Variants in CEP85L observed in about 807,000 individuals in gnomAD.
CEP85L encodes centrosomal protein 85L.
CEP85L carries 60 observed loss-of-function variants against 100.3 expected under a neutral mutation model. The ratio of observed to expected loss-of-function variants is 0.60; its 90% CI spans 0.49 to 0.74. The LOEUF (loss-of-function observed/expected upper bound fraction) is 0.74. Ranked by LOEUF, CEP85L falls within the 30% of genes least tolerant of loss-of-function variation. CEP85L has a pLI of 0.00. For missense variants in CEP85L, 973 were observed against 936.2 expected (o/e 1.04, Z -0.51); for synonymous variants, 319 against 322.7 (o/e 0.99, Z 0.12).
intron 5 of CEP85L, among the ~76,000 whole-genome samples, chr6:118,494,083 G>A (rs929566477): frequency 2.0e-5 from 3 of 152,318 alleles, no homozygotes; most frequent in Admixed American, 6.5e-5. Context: ...TGGAAAAAAA[G>A]GATAGGTAGA....
chr6:118,475,194 A>C (rs1018664377), intron 10 of CEP85L, among the ~76,000 whole-genome samples: 1 of 152,018 alleles, frequency 6.6e-6, no homozygotes, highest in Non-Finnish European at 1.5e-5. Context: ...GGGGAAGTGG[A>C]TGGGGGCTTA....
chr6:118,546,318 T>C (rs1466048004), intron 3 of CEP85L, among the ~76,000 whole-genome samples: 2 of 152,190 alleles, frequency 1.3e-5, no homozygotes, highest in African/African-American at 2.4e-5. Flanking sequence ...TATATGCCTA[T>C]GTATACTTTT....
chr6:118,560,975 T>C (rs865832956), intron 3 of CEP85L, among the ~76,000 whole-genome samples: 13 of 152,214 alleles, frequency 8.5e-5, no homozygotes, highest in African/African-American at 3.1e-4. Context: ...CCATATCTTC[T>C]AAAACATGGT....
intron 6 of CEP85L, among the ~76,000 whole-genome samples, chr6:118,484,617 C>T (rs899231249): frequency 6.6e-6 from 1 of 152,070 alleles, no homozygotes; most frequent in African/African-American, 2.4e-5. Context: ...TTATTGGGTG[C>T]CCAGACAGGC....
chr6:118,568,920 T>C (rs908934281), intron 2 of CEP85L, among the ~76,000 whole-genome samples: 1 of 152,048 alleles, frequency 6.6e-6, no homozygotes, highest in Non-Finnish European at 1.5e-5. Flanking sequence ...TATACTAAAA[T>C]CATCATAGCC....
intron 3 of CEP85L, among the ~76,000 whole-genome samples, chr6:118,553,022 A>G (rs1778642022): frequency 6.6e-6 from 1 of 152,100 alleles, no homozygotes; most frequent in Admixed American, 6.6e-5. Flanking sequence ...TTCTTTTAAT[A>G]AAAGGGTGGA....
intron 4 of CEP85L, among the ~76,000 whole-genome samples, chr6:118,520,387 T>C (rs181760270): frequency 6.6e-6 from 1 of 152,280 alleles, no homozygotes; most frequent in Non-Finnish European, 1.5e-5. Context: ...TTTCTATATA[T>C]TTAAGAACGT....
At chr6:118,587,366 G>A (rs1777653) in intron 2 of CEP85L, among the ~76,000 whole-genome samples, 2,972 of 152,238 alleles carry the variant, frequency 0.02, 89 homozygotes, top group African/African-American at 0.067. Context: ...AATAGCAAAT[G>A]CCTCCCTCTG....
chr6:118,484,435 G>A (rs1205596289), intron 6 of CEP85L, among the ~76,000 whole-genome samples: 3 of 152,186 alleles, frequency 2.0e-5, no homozygotes, highest in Non-Finnish European at 4.4e-5. Context: ...TCATCAACCA[G>A]GGGGCAGTAA....
Position 118,461,138 on chromosome 6 carries a change from G to A in CEP85L, c.*4267C>T, listed in dbSNP as rs1268694329. The stretch of plus-strand genomic sequence containing the variant: ...CCAGCTTACAAAACCACCAGTCATA[G>A]TGACTGATTATACACTGTGCTGTGC... On this transcript the variant is annotated 3_prime_UTR_variant, in exon 13 of 13. Transcript: ENST00000368491. 6.6e-6 allele frequency: 1 copy of A among 151,888 alleles called. No individual in the cohort carries two copies. The highest frequency in any genetic ancestry group is 2.4e-5 in the African/African-American group (1 of 41,320). 9.4% of individuals were successfully genotyped at this position (151,888 alleles called of 1,614,324 possible). A position where few individuals can be genotyped will look rare whatever the true frequency, so the allele number is the denominator to read the frequency against.
At chr6:118,684,263 T>C (rs970794393) in intron 1 of CEP85L, among the ~76,000 whole-genome samples, 3 of 152,200 alleles carry the variant, frequency 2.0e-5, no homozygotes, top group African/African-American at 7.2e-5. Context: ...ATCTTAGTTT[T>C]CATTATTGTG....
rs199588688 is a variant in CEP85L, at chr6:118,470,596, T to A, written c.1963A>T (p.Met655Leu). The change falls in exon 11 of 13, where the codon ATG becomes TTG. Residue 655 changes from methionine to leucine, a missense_variant. Around this residue, in one of 3 missense-constraint regions of CEP85L, gnomAD observed 890 missense variants for 844.5 expected, o/e 1.05. Transcript: ENST00000368491. The stretch of plus-strand genomic sequence containing the variant: ...CTTTCTTTCTTTTCCAGCTCTTCCA[T>A]CATCTTTTGAGTGGTCAGTTTCTCT... ...SKEKLTTQKM[M>L]EELEKKERNV... 243 of 1,608,264 alleles carry A rather than the reference T, an allele frequency of 1.5e-4. No individual in the cohort carries two copies. Among genetic ancestry groups the A allele is most frequent in the Non-Finnish European group, 3.3e-5 (39 of 1,177,246 alleles).
At chr6:118,586,824 T>C (rs1780889978) in intron 2 of CEP85L, among the ~76,000 whole-genome samples, 1 of 152,216 alleles carries the variant, frequency 6.6e-6, no homozygotes, top group Non-Finnish European at 1.5e-5. Context: ...TACTCCAACC[T>C]TGCAGGAATT....
intron 2 of CEP85L, among the ~76,000 whole-genome samples, chr6:118,581,425 A>AT (rs928358303): frequency 7.1e-4 from 107 of 150,652 alleles, no homozygotes; most frequent in African/African-American, 2.2e-3. Context: ...CCTGAGATCC[A>AT]TTTTTTTTTA....
chr6:118,679,424 T>A (rs1303207454), intron 1 of CEP85L, among the ~76,000 whole-genome samples: 8 of 152,196 alleles, frequency 5.3e-5, no homozygotes, highest in Admixed American at 5.2e-4. Flanking sequence ...GGGAGAAAAT[T>A]GTTAGTTTAT....
intron 2 of CEP85L, among the ~76,000 whole-genome samples, chr6:118,600,370 T>C (rs7774527): frequency 1.2e-5 from 1 of 86,368 alleles, no homozygotes; most frequent in Non-Finnish European, 2.6e-5. Context: ...TGTGTGTGTG[T>C]AACGCCATGG....
At chr6:118,594,222 CTTATCT>C (rs930817333) in intron 2 of CEP85L, among the ~76,000 whole-genome samples, 35 of 152,260 alleles carry the variant, frequency 2.3e-4, no homozygotes, top group African/African-American at 7.5e-4. Context: ...CCAACAAGTC[CTTATCT>C]TTATAAGGCT....
intron 2 of CEP85L, among the ~76,000 whole-genome samples, chr6:118,603,992 C>T (rs1772004336): frequency 6.6e-6 from 1 of 152,166 alleles, no homozygotes; most frequent in African/African-American, 2.4e-5. Context: ...TACATTAAGT[C>T]GTATTAGAAT....
At chr6:118,485,118 C>T (rs1248769497) in intron 6 of CEP85L, among the ~76,000 whole-genome samples, 1 of 152,196 alleles carries the variant, frequency 6.6e-6, no homozygotes, top group Admixed American at 6.5e-5. Context: ...CCCCCTACTA[C>T]ATGAAATATA....
Sources: gnomAD v4.1 joint callset for allele counts (sites outside exome capture counted in the v4.1 genomes callset) on GRCh38, gnomAD v4.1.1 for gene constraint, gnomAD v4.1.1 regional missense constraint, MANE v1.5 for transcripts, NCBI Gene and HGNC (gene_info 2026-07-23, HGNC 2026-07-21) for gene names.